Variants in CPNE1 observed in about 807,000 individuals in gnomAD.
CPNE1 encodes the protein copine-1.
CPNE1 carries 58 observed loss-of-function variants against 63.2 expected under a neutral mutation model. The observed-to-expected ratio is 0.92, with a 90% CI of 0.74 to 1.14. The LOEUF is 1.14. Ranked by LOEUF, CPNE1 falls within the 50% of genes most tolerant of loss-of-function variation. The pLI, the probability that CPNE1 is intolerant of heterozygous loss-of-function variation, is 0.00. For missense variants in CPNE1, 672 were observed against 661.7 expected, an observed-to-expected ratio of 1.02 and a Z score of -0.17; for synonymous variants, 237 against 249.0, an observed-to-expected ratio of 0.95 and a Z score of 0.45.
chr20:35,648,020 G>A (rs1186697344), intron 1 of CPNE1, among the ~76,000 whole-genome samples: 2 of 149,634 alleles, frequency 1.3e-5, no homozygotes, highest in African/African-American at 2.5e-5. Flanking sequence ...AGCCGAGATC[G>A]CACCACTGCA....
chr20:35,639,112 A>C (rs552251753), intron 1 of CPNE1, among the ~76,000 whole-genome samples: 9 of 151,838 alleles, frequency 5.9e-5, no homozygotes, highest in Non-Finnish European at 1.3e-4. Context: ...AACAAAACCC[A>C]ACAACCCATA....
chr20:35,663,410 A>T (rs2034344189), intron 1 of CPNE1, among the ~76,000 whole-genome samples: 1 of 152,154 alleles, frequency 6.6e-6, no homozygotes, highest in African/African-American at 2.4e-5. Context: ...CACCATTTCA[A>T]ACCATTCAAG....
chr20:35,632,867 G>C lies in CPNE1; in HGVS notation c.57C>G (p.Asp19Glu). The change falls in exon 2 of 16, where the codon GAC (aspartate) becomes GAG (glutamate). Residue 19 changes from aspartate to glutamate, a missense_variant. Transcript: ENST00000397443. ...QLSISCDHLI[D>E]KDIGSKSDPL... is the part of the protein sequence containing the mutation. The stretch of plus-strand genomic sequence containing the variant: ...GGTCAGACTTGGAGCCGATGTCCTT[G>C]TCAATGAGATGGTCACAGGAAATGG... 1 of 872,974 alleles carries C rather than the reference G, an allele frequency of 1.1e-6. No individual in the cohort carries two copies. Among genetic ancestry groups the C allele is most frequent in the Non-Finnish European group, 2.0e-6 (1 of 501,680 alleles). 54.1% of individuals were successfully genotyped at this position (872,974 alleles called of 1,614,324 possible). A position where few individuals can be genotyped will look rare whatever the true frequency, so the allele number is the denominator to read the frequency against.
intron 1 of CPNE1, among the ~76,000 whole-genome samples, chr20:35,657,586 T>A (rs764035132): frequency 1.3e-5 from 2 of 152,180 alleles, no homozygotes; most frequent in Non-Finnish European, 2.9e-5. Flanking sequence ...TTCAAGCCAT[T>A]TTCTGTTAAG....
intron 1 of CPNE1, among the ~76,000 whole-genome samples, chr20:35,638,363 C>A (rs2032607834): frequency 6.6e-6 from 1 of 152,142 alleles, no homozygotes; most frequent in Non-Finnish European, 1.5e-5. Flanking sequence ...TGATCAGGCA[C>A]TTCATAAAGG....
chr20:35,664,877 A>G lies in CPNE1; in HGVS notation c.-118T>C, dbSNP rs886092990. On this transcript the variant is annotated 5_prime_UTR_variant, in exon 1 of 16. Coordinates refer to ENST00000397443, the MANE Select transcript of CPNE1 (RefSeq NM_152925.3). Reference sequence around the variant, plus strand: ...CTTCCCGGAGCCCAACGCAGCCACCACCTCCTTCGCCGCTTCACAAAATGG... The same window carrying G: ...CTTCCCGGAGCCCAACGCAGCCACCGCCTCCTTCGCCGCTTCACAAAATGG... 2.0e-5 allele frequency: 3 copies of G among 152,020 alleles called. No homozygotes were observed. The highest frequency in any genetic ancestry group is 2.0e-4 in the Admixed American group (3 of 15,256). The allele number at this position is 152,020 out of a possible 1,614,324, so 9.4% of individuals were successfully genotyped here. A position where few individuals can be genotyped will look rare whatever the true frequency, so the allele number is the denominator to read the frequency against.
At chr20:35,655,146 G>A (rs780521901) in intron 1 of CPNE1, 4 of 1,614,136 alleles carry the variant, frequency 2.5e-6, no homozygotes, top group Non-Finnish European at 3.4e-6. Flanking sequence ...TACCACCTGT[G>A]CGCATCATAC....
intron 13 of CPNE1, among the ~76,000 whole-genome samples, chr20:35,628,275 A>AAC (rs2031896492): frequency 6.6e-6 from 1 of 151,716 alleles, no homozygotes; most frequent in African/African-American, 2.4e-5. Flanking sequence ...ACAGAGCAAG[A>AAC]CTCCATCTCA....
chr20:35,626,185 C>G lies in CPNE1; in HGVS notation c.*56G>C. On this transcript the variant is annotated 3_prime_UTR_variant, in exon 16 of 16. Coordinates refer to ENST00000397443, the MANE Select transcript of CPNE1 (RefSeq NM_152925.3). ...GAGAGTGAGAAGGGTTGGGTTGTGG[C>G]CCAGAGGGACCTCTGGGACACAGGA... is the stretch of plus-strand genomic sequence containing the variant. 1 of 1,592,978 alleles carries G rather than the reference C, an allele frequency of 6.3e-7. No individual in the cohort carries two copies.
Position 35,653,654 on chromosome 20 carries a change from T to C in CPNE1, c.-1+11106A>G, listed in dbSNP as rs1473204836. ...TCTAGGAACTGAAGAACATCCATCT[T>C]TGTAATGCTGAATGGAATATTTGTT... On this transcript the variant is annotated intron_variant, in intron 1 of 15. Coordinates refer to ENST00000397443, the MANE Select transcript of CPNE1 (RefSeq NM_152925.3). The C allele has an allele frequency of 2.5e-6, 4 of 1,614,092 alleles. No homozygotes were observed. The African/African-American group carries it at 5.3e-5, about 22-fold the overall frequency.
intron 1 of CPNE1, chr20:35,648,796 G>A (rs1255819328): frequency 6.6e-6 from 1 of 152,210 alleles, no homozygotes; most frequent in Non-Finnish European, 1.5e-5. Flanking sequence ...GCAAGGATAA[G>A]CAACAATTTT....
chr20:35,648,863 T>C (rs775678203), intron 1 of CPNE1: 2 of 152,596 alleles, frequency 1.3e-5, no homozygotes, highest in Non-Finnish European at 2.9e-5. Flanking sequence ...TTTTCAGGTT[T>C]AAAAACAAAA....
At chr20:35,656,485 G>C (rs2033903731) in intron 1 of CPNE1, among the ~76,000 whole-genome samples, 1 of 152,176 alleles carries the variant, frequency 6.6e-6, no homozygotes, top group African/African-American at 2.4e-5. Flanking sequence ...TGAAATTAAG[G>C]TGGTCAATAA....
chr20:35,660,811 G>A (rs773158443), intron 1 of CPNE1, among the ~76,000 whole-genome samples: 1 of 152,112 alleles, frequency 6.6e-6, no homozygotes, highest in South Asian at 2.1e-4. Flanking sequence ...AGGTAAGAAG[G>A]TTCCTCTCAG....
intron 1 of CPNE1, chr20:35,652,866 C>T (rs762881667): frequency 5.6e-6 from 9 of 1,612,360 alleles, no homozygotes; most frequent in African/African-American, 1.3e-5. Context: ...GTGGCCCACC[C>T]AAATGCCCAG....
chr20:35,631,667 C>T, intron 7 of CPNE1, 21 bp downstream of exon 7: 1 of 1,613,288 alleles, frequency 6.2e-7, no homozygotes, highest in African/African-American at 1.3e-5. Context: ...GCGCAGTCCA[C>T]TTAGGGGGCA....
At chr20:35,653,157 G>C (rs1230054671) in intron 1 of CPNE1, 2 of 1,613,578 alleles carry the variant, frequency 1.2e-6, no homozygotes. Flanking sequence ...TACCAGGAAA[G>C]TTAAATGGAG....
intron 1 of CPNE1, among the ~76,000 whole-genome samples, chr20:35,642,825 A>T (rs566926823): frequency 7.9e-5 from 12 of 152,210 alleles, no homozygotes; most frequent in Non-Finnish European, 1.5e-4. Flanking sequence ...AGATCCATAT[A>T]CTACTAAGGA....
intron 1 of CPNE1, among the ~76,000 whole-genome samples, chr20:35,647,055 A>G (rs1271828277): frequency 2.0e-5 from 3 of 152,068 alleles, no homozygotes; most frequent in African/African-American, 7.2e-5. Flanking sequence ...TCATGCCTGT[A>G]ATCCCAGCAC....
Sources: allele counts gnomAD v4.1 joint callset (sites outside exome capture counted in the v4.1 genomes callset), GRCh38; gene constraint gnomAD v4.1.1; transcripts MANE v1.5; gene names NCBI Gene and HGNC (gene_info 2026-07-23, HGNC 2026-07-21).